The following PHIP variants were observed in gnomAD, a reference collection of about 807,000 sequenced individuals.
The protein encoded by PHIP is PH-interacting protein.
In PHIP, 54 loss-of-function variants were observed where a neutral mutation model predicts 236.8. That is an observed-to-expected ratio of 0.23 (90% CI 0.18 to 0.29). The LOEUF (loss-of-function observed/expected upper bound fraction) is 0.29, where lower values mean the gene tolerates loss of function less well. Ranked by LOEUF, PHIP falls within the 10% of genes least tolerant of loss-of-function variation. The pLI is 1.00. For missense variants in PHIP, 1,370 were observed against 2,190.8 expected, an observed-to-expected ratio of 0.63 and a Z score of 7.48; for synonymous variants, 756 against 718.9, an observed-to-expected ratio of 1.05 and a Z score of -0.83.
intron 6 of PHIP, among the ~76,000 whole-genome samples, chr6:79,060,251 C>T (rs1317778636): frequency 6.6e-6 from 1 of 152,054 alleles, no homozygotes; most frequent in Non-Finnish European, 1.5e-5. Context: ...AATAAAATTC[C>T]AATGAGCTAA....
chr6:79,077,353 G>T, intron 4 of PHIP, 95 bp downstream of exon 4: 1 of 1,185,618 alleles, frequency 8.4e-7, no homozygotes, highest in Non-Finnish European at 1.2e-6. Flanking sequence ...TCACGTTCTA[G>T]GGCCAAGTTT....
chr6:79,018,280 C>T (rs1002984433), intron 10 of PHIP, among the ~76,000 whole-genome samples: 8 of 151,876 alleles, frequency 5.3e-5, no homozygotes, highest in Admixed American at 2.6e-4. Flanking sequence ...ATGACTACTA[C>T]AAGGAATACT....
rs1208567579 is a variant in PHIP, at chr6:78,960,450, C to CTT, written c.3656+1238_3656+1239dup. Among the ~76,000 whole-genome samples the CTT allele has an allele frequency of 5.8e-5, 8 of 137,484 alleles. No individual in the cohort carries two copies. The highest frequency in any genetic ancestry group is 2.3e-4 in the South Asian group (1 of 4,354). 90.2% of individuals were successfully genotyped at this position (137,484 alleles called of 152,430 possible). On this transcript the variant is annotated intron_variant, in intron 31 of 39. Coordinates refer to ENST00000275034, the MANE Select transcript of PHIP (RefSeq NM_017934.7). ...GAAAGAGGAATATAGTTAGGAATTCCTTTTTTTTTTTTTTTTCTCTTAAAC... is the reference window on the plus strand; with the variant it reads ...GAAAGAGGAATATAGTTAGGAATTCCTTTTTTTTTTTTTTTTTTCTCTTAAAC...
chr6:79,043,256 A>G (rs528920955), intron 6 of PHIP, among the ~76,000 whole-genome samples: 14 of 151,112 alleles, frequency 9.3e-5, no homozygotes, highest in Admixed American at 8.6e-4. Context: ...AAAAATCACA[A>G]AGTAAGGCAT....
At position 79,031,290 on chromosome 6, in the gene PHIP, C is replaced by T. The variant is rs187407743; in HGVS notation, c.601-5126G>A. On this transcript the variant is annotated intron_variant, in intron 7 of 39. Coordinates refer to ENST00000275034, the MANE Select transcript of PHIP (RefSeq NM_017934.7). ...TGGTTATAATTACTGCGAAAGAGTG[C>T]TCATTAATATTATCATTTGTTTATA... is the stretch of plus-strand genomic sequence containing the variant. Among the ~76,000 whole-genome samples, 83 of 152,278 alleles carry T rather than the reference C, an allele frequency of 5.5e-4. 1 individual carries two copies. The East Asian group carries it at 0.012, about 23-fold the overall frequency.
rs1184229179 is a variant in PHIP at position 79,042,878 on chromosome 6, C to T, written c.565G>A (p.Val189Ile). 6.2e-7 allele frequency: 1 copy of T among 1,606,940 alleles called. No individual in the cohort carries two copies. Among genetic ancestry groups the T allele is most frequent in the African/African-American group, 1.3e-5 (1 of 74,584 alleles). ...ILGHLSSVYCVTFDRTGRRIF... is the reference protein window; with the variant it reads ...ILGHLSSVYCITFDRTGRRIF... ...CGTCTGCCAGTTCGATCAAAAGTTA[C>T]ACAGTACACAGATGACAAGTGTCCA... Residue 189 changes from valine (V) to isoleucine (I), a missense_variant, in exon 7 of 40, where the codon GTA becomes ATA. Val to Ile is a conservative substitution (Grantham distance 29). Around this residue, in one of 14 missense-constraint regions of PHIP, gnomAD observed 82 missense variants for 203.2 expected, o/e 0.40. Transcript: ENST00000275034.
chr6:78,958,324 T>C, intron 32 of PHIP, 151 bp downstream of exon 32: 2 of 529,292 alleles, frequency 3.8e-6, no homozygotes, highest in Non-Finnish European at 6.7e-6. Context: ...CAGAGACCTT[T>C]AGATCTTCAG....
Position 79,077,912 on chromosome 6 carries a change from C to T in PHIP, c.42G>A (p.Glu14=). Residue 14 remains glutamate (E), a splice_region_variant and synonymous_variant, in exon 2 of 40, where the codon GAG becomes GAA. Coordinates refer to ENST00000275034, the MANE Select transcript of PHIP (RefSeq NM_017934.7). ...ERKGLSELRS[E]LYFLIARFLE... ...GGAACCGGGCGATGAGGAAGTAGAG[C>T]TCTGCGCGGGAGAGAGGGACGGGGA... is the stretch of plus-strand genomic sequence containing the variant. 6.3e-7 allele frequency: 1 copy of T among 1,594,920 alleles called. No homozygotes were observed. The highest frequency in any genetic ancestry group is 1.1e-5 in the South Asian group (1 of 88,792).
intron 19 of PHIP, among the ~76,000 whole-genome samples, chr6:78,991,527 A>G (rs1035318495): frequency 4.6e-5 from 7 of 152,174 alleles, no homozygotes; most frequent in Non-Finnish European, 8.8e-5. Flanking sequence ...GAGGAACACT[A>G]ATTTTAAACT....
intron 21 of PHIP, among the ~76,000 whole-genome samples, chr6:78,986,816 TGCATATTTTATTAACAAAAA>T (rs939409575): frequency 4.6e-5 from 7 of 152,188 alleles, no homozygotes; most frequent in Admixed American, 1.3e-4. Context: ...AAATCACATT[TGCATATTTTATTAACAAAAA>T]GCATATTTTA....
intron 7 of PHIP, among the ~76,000 whole-genome samples, chr6:79,030,931 GTTTT>G (rs565573763): frequency 6.0e-5 from 9 of 150,716 alleles, no homozygotes; most frequent in Admixed American, 2.0e-4. Flanking sequence ...TTTCTTTCTT[GTTTT>G]TTTTTGTTTG....
At chr6:79,073,723 AACTAGT>A (rs1243879312) in intron 4 of PHIP, among the ~76,000 whole-genome samples, 1 of 152,194 alleles carries the variant, frequency 6.6e-6, no homozygotes, top group Non-Finnish European at 1.5e-5. Context: ...CAATAATGAA[AACTAGT>A]ACTTAAACTA....
At chr6:79,063,679 T>G (rs780194803) in intron 4 of PHIP, among the ~76,000 whole-genome samples, 7 of 152,164 alleles carry the variant, frequency 4.6e-5, no homozygotes, top group Admixed American at 1.3e-4. Flanking sequence ...GCCTCCCAAG[T>G]GCTGGGATTA....
intron 10 of PHIP, 82 bp from the exon 11 acceptor site, chr6:79,017,665 A>C (rs1177600462): frequency 4.4e-6 from 4 of 899,386 alleles, no homozygotes; most frequent in Non-Finnish European, 7.2e-6. Flanking sequence ...TGTAAGCAAA[A>C]TTACAGTATA....
rs1439107672 is a variant in PHIP at position 78,935,464 on chromosome 6, T to C, written c.*5229A>G. Reference sequence around the variant, plus strand: ...TCCATCATTCCTTTTTTCCCAGAAATTGCACATTTTTGAGAAAATATTTAT... The same window carrying C: ...TCCATCATTCCTTTTTTCCCAGAAACTGCACATTTTTGAGAAAATATTTAT... On this transcript the variant is annotated 3_prime_UTR_variant, in exon 40 of 40. Transcript: ENST00000275034. The C allele has an allele frequency of 1.0e-6, 1 of 970,750 alleles. No individual in the cohort carries two copies. The highest frequency in any genetic ancestry group is 1.8e-5 in the African/African-American group (1 of 56,884). 60.1% of individuals were successfully genotyped at this position (970,750 alleles called of 1,614,324 possible).
chr6:79,020,161 C>A (rs570017101), intron 9 of PHIP, among the ~76,000 whole-genome samples: 1 of 151,080 alleles, frequency 6.6e-6, no homozygotes, highest in South Asian at 2.1e-4. Context: ...TGCGGTTTTG[C>A]CTTTTTTTTA....
chr6:79,001,621 G>T (rs934517026), intron 17 of PHIP, among the ~76,000 whole-genome samples: 2 of 152,072 alleles, frequency 1.3e-5, no homozygotes, highest in African/African-American at 4.8e-5. Context: ...TGCTGAGTAA[G>T]TAAATTAATT....
chr6:79,025,659 GAC>G (rs1771362088), intron 8 of PHIP, 40 bp from the exon 9 acceptor site: 2 of 1,243,220 alleles, frequency 1.6e-6, no homozygotes, highest in African/African-American at 1.5e-5. Context: ...TTACAAGAGT[GAC>G]ACAGTCAAAA....
chr6:78,984,462 T>C (rs2127719403), intron 22 of PHIP, among the ~76,000 whole-genome samples: 1 of 152,256 alleles, frequency 6.6e-6, no homozygotes, highest in East Asian at 1.9e-4. Context: ...AGCATAAACA[T>C]AATTACAAAC....
Sources: gnomAD v4.1 joint callset for allele counts (sites outside exome capture counted in the v4.1 genomes callset) on GRCh38, gnomAD v4.1.1 for gene constraint, gnomAD v4.1.1 regional missense constraint, MANE v1.5 for transcripts, NCBI Gene and HGNC (gene_info 2026-07-23, HGNC 2026-07-21) for gene names.